The following SH3RF1 variants were observed in gnomAD, a reference collection of about 807,000 sequenced individuals.
SH3RF1 encodes SH3 domain containing ring finger 1.
SH3RF1 carries 32 observed loss-of-function variants against 74.0 expected under a neutral mutation model. The ratio of observed to expected loss-of-function variants is 0.43; its 90% CI spans 0.33 to 0.58. The LOEUF (loss-of-function observed/expected upper bound fraction) is 0.58. Ranked by LOEUF, SH3RF1 falls within the 20% of genes least tolerant of loss-of-function variation. The pLI, the probability that SH3RF1 is intolerant of heterozygous loss-of-function variation, is 0.05. For missense variants in SH3RF1, 954 were observed against 1,130.9 expected (o/e 0.84, Z 2.24); for synonymous variants, 396 against 439.6 (o/e 0.90, Z 1.24).
chr4:169,257,859 T>C (rs968213720), intron 2 of SH3RF1, among the ~76,000 whole-genome samples: 1 of 152,202 alleles, frequency 6.6e-6, no homozygotes, highest in African/African-American at 2.4e-5. Context: ...CTTGCTTTTC[T>C]GCTCTACCTC....
chr4:169,233,228 A>G (rs1579153798), intron 2 of SH3RF1, among the ~76,000 whole-genome samples: 1 of 140,926 alleles, frequency 7.1e-6, no homozygotes, highest in Non-Finnish European at 1.5e-5. Flanking sequence ...CAGCCTGGGC[A>G]ACAGAGCAAG....
At chr4:169,236,657 C>A (rs1730827798) in intron 2 of SH3RF1, among the ~76,000 whole-genome samples, 1 of 152,122 alleles carries the variant, frequency 6.6e-6, no homozygotes, top group East Asian at 1.9e-4. Flanking sequence ...TAAAACATTG[C>A]CTGGCACACA....
chr4:169,255,880 C>A (rs962766380), intron 2 of SH3RF1, among the ~76,000 whole-genome samples: 101 of 152,110 alleles, frequency 6.6e-4, no homozygotes, highest in South Asian at 4.2e-4. Context: ...CGTTCCTCCC[C>A]CCTCAGCTTC....
intron 6 of SH3RF1, among the ~76,000 whole-genome samples, chr4:169,125,913 C>T (rs1336227156): frequency 6.6e-6 from 1 of 152,182 alleles, no homozygotes; most frequent in Admixed American, 6.5e-5. Flanking sequence ...TTACCATCTA[C>T]ATGCATAAAT....
At chr4:169,250,697 G>A (rs1247186137) in intron 2 of SH3RF1, among the ~76,000 whole-genome samples, 1 of 152,122 alleles carries the variant, frequency 6.6e-6, no homozygotes, top group African/African-American at 2.4e-5. Flanking sequence ...TGGGGATGGG[G>A]GTAGGAGGGA....
At chr4:169,129,591 G>A (rs1733579891) in intron 6 of SH3RF1, among the ~76,000 whole-genome samples, 1 of 152,160 alleles carries the variant, frequency 6.6e-6, no homozygotes, top group East Asian at 1.9e-4. Flanking sequence ...AGACCATATG[G>A]ACACAAGACA....
At chr4:169,171,572 C>T (rs147142758) in intron 2 of SH3RF1, among the ~76,000 whole-genome samples, 376 of 152,266 alleles carry the variant, frequency 2.5e-3, no homozygotes, top group African/African-American at 8.7e-3. Context: ...AGAAAAAAGG[C>T]TTTACATTTC....
chr4:169,101,385 T>C (rs1733029155), intron 11 of SH3RF1, among the ~76,000 whole-genome samples: 1 of 152,184 alleles, frequency 6.6e-6, no homozygotes, highest in Non-Finnish European at 1.5e-5. Context: ...TATTGCATGA[T>C]TCCACTTATG....
At position 169,170,405 on chromosome 4, in the gene SH3RF1, C is replaced by T. The variant is rs372867196; in HGVS notation, c.394-13726G>A. Among the ~76,000 whole-genome samples, 19 of 152,228 alleles carry T rather than the reference C, an allele frequency of 1.2e-4. No homozygotes were observed. The East Asian group carries it at 1.5e-3, about 12-fold the overall frequency. ...GTAACAGATCATGCTAGCTGTATTC[C>T]TACTAACGAAAAATTTAAGATGAGA... On this transcript the variant is annotated intron_variant, in intron 2 of 11. Coordinates refer to ENST00000284637, the MANE Select transcript of SH3RF1 (RefSeq NM_020870.4).
At chr4:169,107,756 G>GTGA (rs1733170995) in intron 10 of SH3RF1, among the ~76,000 whole-genome samples, 2 of 152,156 alleles carry the variant, frequency 1.3e-5, no homozygotes, top group Non-Finnish European at 2.9e-5. Context: ...TTTACAGGCA[G>GTGA]TGATCAGAGT....
At chr4:169,179,051 T>C (rs1416873476) in intron 2 of SH3RF1, among the ~76,000 whole-genome samples, 1 of 152,160 alleles carries the variant, frequency 6.6e-6, no homozygotes, top group Admixed American at 6.5e-5. Context: ...CTGAACCCCA[T>C]GAATCTGTTG....
chr4:169,154,405 T>C (rs561577341), intron 4 of SH3RF1, among the ~76,000 whole-genome samples: 1 of 152,214 alleles, frequency 6.6e-6, no homozygotes, highest in Non-Finnish European at 1.5e-5. Flanking sequence ...TTTGTCATTT[T>C]AGTTTTCAAG....
At position 169,106,847 on chromosome 4, in the gene SH3RF1, C is replaced by T; in HGVS notation, c.2498G>A (p.Arg833Lys). The change falls in exon 11 of 12, where the codon AGG becomes AAG. Residue 833 changes from arginine to lysine, a missense_variant and splice_region_variant. Around this residue, in one of 3 missense-constraint regions of SH3RF1, gnomAD observed 854 missense variants for 962.5 expected, o/e 0.89. Coordinates refer to ENST00000284637, the MANE Select transcript of SH3RF1 (RefSeq NM_020870.4). Reference sequence around the variant, plus strand: ...TTTCCTGGAACGAAGTTGAACTTACCTTTCACAAACGACAGGTCTAGACTC... The same window carrying T: ...TTTCCTGGAACGAAGTTGAACTTACTTTTCACAAACGACAGGTCTAGACTC... Reference protein sequence around the residue: ...LNESRPVVCERHRVVVSYPPQ... With the variant: ...LNESRPVVCEKHRVVVSYPPQ... 6.5e-7 allele frequency: 1 copy of T among 1,543,642 alleles called. No individual in the cohort carries two copies. The highest frequency in any genetic ancestry group is 8.7e-7 in the Non-Finnish European group (1 of 1,143,526).
At chr4:169,168,464 T>C (rs1424483077) in intron 2 of SH3RF1, among the ~76,000 whole-genome samples, 4 of 152,202 alleles carry the variant, frequency 2.6e-5, no homozygotes, top group Admixed American at 6.5e-5. Context: ...TTGGAAAATA[T>C]TGACAGAAAA....
At chr4:169,228,655 T>C (rs988203067) in intron 2 of SH3RF1, among the ~76,000 whole-genome samples, 1 of 152,102 alleles carries the variant, frequency 6.6e-6, no homozygotes, top group African/African-American at 2.4e-5. Flanking sequence ...CTCTTTGCCA[T>C]GTAATAACAC....
intron 2 of SH3RF1, among the ~76,000 whole-genome samples, chr4:169,245,419 C>T (rs1730978756): frequency 6.6e-6 from 1 of 152,142 alleles, no homozygotes; most frequent in Admixed American, 6.5e-5. Context: ...TTTAAATGTC[C>T]ATGTTTCAAT....
intron 2 of SH3RF1, among the ~76,000 whole-genome samples, chr4:169,216,996 CAAAA>C (rs560262654): frequency 1.2e-5 from 1 of 82,634 alleles, no homozygotes. Context: ...ACAAAAATTA[CAAAA>C]AAAAAAAAAA....
Position 169,117,617 on chromosome 4 carries a change from T to C in SH3RF1, c.1683A>G (p.Ser561=), listed in dbSNP as rs752131047. The C allele has an allele frequency of 1.9e-6, 3 of 1,614,196 alleles. No individual in the cohort carries two copies. The highest frequency in any genetic ancestry group is 2.2e-5 in the South Asian group (2 of 91,084). Residue 561 remains serine, a synonymous_variant, in exon 9 of 12, where the codon TCA becomes TCG. Coordinates refer to ENST00000284637, the MANE Select transcript of SH3RF1 (RefSeq NM_020870.4). ...SPSVVPAAVV[S]AAHIQTSPQA... ...GAGGACTTGTCTGGATGTGAGCTGCTGATACCACAGCTGCGGGGACAACAC... is the reference window on the plus strand; with the variant it reads ...GAGGACTTGTCTGGATGTGAGCTGCCGATACCACAGCTGCGGGGACAACAC...
chr4:169,210,003 C>T (rs552514659), intron 2 of SH3RF1, among the ~76,000 whole-genome samples: 2 of 152,170 alleles, frequency 1.3e-5, no homozygotes, highest in African/African-American at 4.8e-5. Context: ...GCCATGTTGC[C>T]CAGGCTGGTC....
Sources: allele counts gnomAD v4.1 joint callset (sites outside exome capture counted in the v4.1 genomes callset), GRCh38; gene constraint gnomAD v4.1.1; regional missense constraint gnomAD v4.1.1; transcripts MANE v1.5; gene names NCBI Gene and HGNC (gene_info 2026-07-23, HGNC 2026-07-21).